Variants in STARD9 observed in about 807,000 individuals in gnomAD.
STARD9 encodes the protein stAR-related lipid transfer protein 9.
STARD9 carries 346 observed loss-of-function variants against 399.8 expected under a neutral mutation model. The observed-to-expected ratio is 0.87, with a 90% CI of 0.79 to 0.95. The LOEUF is 0.95. Among genes scored for constraint, STARD9 ranks in the 40% least tolerant of loss-of-function variants. The pLI is 0.00. For missense variants in STARD9, 5,832 were observed against 5,667.5 expected, an observed-to-expected ratio of 1.03 and a Z score of -0.93; for synonymous variants, 2,203 against 2,143.5, an observed-to-expected ratio of 1.03 and a Z score of -0.77.
At chr15:42,634,148 T>C (rs941199152) in intron 3 of STARD9, among the ~76,000 whole-genome samples, 1 of 152,190 alleles carries the variant, frequency 6.6e-6, no homozygotes, top group African/African-American at 2.4e-5. Context: ...GATGCCCACG[T>C]AGCATTCTGC....
At chr15:42,624,553 CT>C (rs11314415) in intron 3 of STARD9, among the ~76,000 whole-genome samples, 18,130 of 142,190 alleles carry the variant, frequency 0.13, 3,349 homozygotes, top group African/African-American at 0.41. Flanking sequence ...TTTCTGTTGT[CT>C]TTTTTTTTTT....
chr15:42,674,219 C>T lies in STARD9; in HGVS notation c.1498-221C>T, dbSNP rs1182522812. On this transcript the variant is annotated intron_variant, in intron 16 of 32. Coordinates refer to ENST00000290607, the MANE Select transcript of STARD9 (RefSeq NM_020759.3). ...GGCTGCTTTGTGGTATATTTTTTAG[C>T]TCTACCATCTCAGGGGCTTCCTGGG... Among the ~76,000 whole-genome samples, 8 of 152,164 alleles carry T rather than the reference C, an allele frequency of 5.3e-5. No individual in the cohort carries two copies. In the East Asian group the frequency reaches 1.3e-3, roughly 26 times the overall value.
intron 3 of STARD9, among the ~76,000 whole-genome samples, chr15:42,633,159 A>G: frequency 6.6e-6 from 1 of 151,910 alleles, no homozygotes. Context: ...AAAAAAAAAA[A>G]GAACAGGGAG....
chr15:42,716,514 G>A (rs1407126718), intron 26 of STARD9, among the ~76,000 whole-genome samples, 163 bp from the exon 27 acceptor site: 1 of 152,192 alleles, frequency 6.6e-6, no homozygotes, highest in East Asian at 1.9e-4. Context: ...TATTTCTATT[G>A]CTGTGGTCTT....
Position 42,687,420 on chromosome 15 carries a change from A to G in STARD9, c.5842A>G (p.Lys1948Glu). 6.5e-7 allele frequency: 1 copy of G among 1,537,110 alleles called. No individual in the cohort carries two copies. The highest frequency in any genetic ancestry group is 8.7e-7 in the Non-Finnish European group (1 of 1,146,912). ...GCCAGGGGAAAGTGCTGTTTCTTTG[A>G]AATCCAGATCAGTAGATCGTAGAGT... Reference protein sequence around the residue: ...DMPGESAVSLKSRSVDRRVSS... With the variant: ...DMPGESAVSLESRSVDRRVSS... The change falls in exon 23 of 33, where the codon AAA (lysine) becomes GAA (glutamate). Residue 1948 changes from lysine to glutamate, a missense_variant. Coordinates refer to ENST00000290607, the MANE Select transcript of STARD9 (RefSeq NM_020759.3).
intron 3 of STARD9, among the ~76,000 whole-genome samples, chr15:42,588,432 CAG>C (rs2058324050): frequency 6.6e-6 from 1 of 152,120 alleles, no homozygotes; most frequent in Admixed American, 6.5e-5. Context: ...GAAGCCTGTG[CAG>C]AGAGATAAAC....
chr15:42,686,914 C>A lies in STARD9; in HGVS notation c.5336C>A (p.Ala1779Asp). Reference protein sequence around the residue: ...VRVPSPPPREAWGFGHNHQAL... With the variant: ...VRVPSPPPREDWGFGHNHQAL... ...GTACCCTCCCCACCCCCCAGGGAAG[C>A]CTGGGGCTTTGGTCACAACCACCAA... The change falls in exon 23 of 33, where the codon GCC (alanine) becomes GAC (aspartate). Residue 1779 changes from alanine to aspartate, a missense_variant. Ala to Asp is a moderately radical substitution (Grantham distance 126). Coordinates refer to ENST00000290607, the MANE Select transcript of STARD9 (RefSeq NM_020759.3). 2.6e-6 allele frequency: 4 copies of A among 1,536,804 alleles called. No individual in the cohort carries two copies. Among genetic ancestry groups the A allele is most frequent in the Non-Finnish European group, 3.5e-6 (4 of 1,146,878 alleles).
chr15:42,596,620 C>G (rs1448657305), intron 3 of STARD9, among the ~76,000 whole-genome samples: 4 of 152,148 alleles, frequency 2.6e-5, no homozygotes, highest in Non-Finnish European at 5.9e-5. Context: ...ACCCTCTTAA[C>G]CCCATTTCTG....
At position 42,712,086 on chromosome 15, in the gene STARD9, T is replaced by TA. The variant is rs375563568; in HGVS notation, c.13285-4590dup. 1.3e-4 allele frequency among the ~76,000 whole-genome samples: 4 copies of TA among 31,284 alleles called. No homozygotes were observed. The African/African-American group carries it at 1.4e-3, about 11-fold the overall frequency. 20.5% of individuals were successfully genotyped at this position (31,284 alleles called of 152,430 possible). A position where few individuals can be genotyped will look rare whatever the true frequency, so the allele number is the denominator to read the frequency against. On this transcript the variant is annotated intron_variant, in intron 26 of 32. Transcript: ENST00000290607. Reference sequence around the variant, plus strand: ...TTTTTATATATATATATATATTATATATATATATATAATATATAATATATA... The same window carrying TA: ...TTTTTATATATATATATATATTATATAATATATATATAATATATAATATATA...
chr15:42,629,562 CAG>C (rs2059288889), intron 3 of STARD9, among the ~76,000 whole-genome samples: 1 of 152,212 alleles, frequency 6.6e-6, no homozygotes. Context: ...CATCTGCAAA[CAG>C]GGATAATTTG....
At position 42,685,966 on chromosome 15, in the gene STARD9, C is replaced by G. The variant is rs1231304272; in HGVS notation, c.4388C>G (p.Ser1463Ter). 4 of 1,537,116 alleles carry G rather than the reference C, an allele frequency of 2.6e-6. No homozygotes were observed. The African/African-American group carries it at 4.1e-5, about 16-fold the overall frequency. Residue 1463 changes from serine (S) to a stop codon, truncating the protein, a stop_gained, in exon 23 of 33, where the codon TCA becomes TGA. Coordinates refer to ENST00000290607, the MANE Select transcript of STARD9 (RefSeq NM_020759.3). LOFTEE classifies it high-confidence loss of function. ...GAAGCATCCCACAATTCTAGCGTATCAAACGTGCTGGCTGCCTCTGCCACC... is the reference window on the plus strand; with the variant it reads ...GAAGCATCCCACAATTCTAGCGTATGAAACGTGCTGGCTGCCTCTGCCACC... ...SSEASHNSSVSNVLAASATTL... is the reference protein window; with the variant it reads ...SSEASHNSSV
chr15:42,696,113 A>G (rs1177557317), intron 26 of STARD9, among the ~76,000 whole-genome samples: 1 of 152,260 alleles, frequency 6.6e-6, no homozygotes, highest in Non-Finnish European at 1.5e-5. Flanking sequence ...TTTAGGATAC[A>G]GCGGTGAGCA....
rs1161704452 is a variant in STARD9, at chr15:42,687,687, CAG to C, written c.6111_6112del (p.Asn2038Ter). On this transcript the variant is annotated frameshift_variant, in exon 23 of 33. Coordinates refer to ENST00000290607, the MANE Select transcript of STARD9 (RefSeq NM_020759.3). LOFTEE classifies it high-confidence loss of function. ...NPNREPSGKKQNKRVNNTDEM... is the reference protein window; with the variant it reads ...NPNREPSGKKXNKRVNNTDEM... ...CAACAGAGAACCTTCTGGAAAGAAA[CAG>C]AATAAAAGAGTTAATAATACTGATG... The C allele has an allele frequency of 3.9e-6, 6 of 1,536,648 alleles. No homozygotes were observed. In the South Asian group the frequency reaches 4.8e-5, roughly 12 times the overall value.
chr15:42,653,023 G>C (rs1286468429), intron 9 of STARD9, among the ~76,000 whole-genome samples: 1 of 152,010 alleles, frequency 6.6e-6, no homozygotes, highest in African/African-American at 2.4e-5. Flanking sequence ...TAGGTCCTCT[G>C]ATAGAACCTA....
chr15:42,685,179 A>G lies in STARD9; in HGVS notation c.3601A>G (p.Ser1201Gly). The G allele has an allele frequency of 7.2e-6, 11 of 1,537,160 alleles. No homozygotes were observed. Among genetic ancestry groups the G allele is most frequent in the African/African-American group, 1.4e-5 (1 of 73,154 alleles). ...TGACCTACTTGCTCAAACTCATAGG[A>G]GCTTCTCCTTGGATAGCCTGATTGA... Reference protein sequence around the residue: ...DSDLLAQTHRSFSLDSLIDAE... With the variant: ...DSDLLAQTHRGFSLDSLIDAE... Residue 1201 changes from serine (S) to glycine (G), a missense_variant, in exon 23 of 33, where the codon AGC (serine) becomes GGC (glycine). Physicochemically the swap from Ser to Gly is moderately conservative, Grantham distance 56. Coordinates refer to ENST00000290607, the MANE Select transcript of STARD9 (RefSeq NM_020759.3).
intron 26 of STARD9, among the ~76,000 whole-genome samples, chr15:42,710,947 C>T (rs919980386): frequency 7.9e-5 from 12 of 151,656 alleles, no homozygotes; most frequent in African/African-American, 2.4e-4. Context: ...GTCTGTTTGT[C>T]CCCGTGTTTT....
intron 26 of STARD9, among the ~76,000 whole-genome samples, chr15:42,698,724 G>A (rs1200789277): frequency 1.3e-5 from 2 of 152,086 alleles, no homozygotes; most frequent in African/African-American, 4.8e-5. Context: ...CAATTATAAA[G>A]AATTTCTTCC....
chr15:42,590,466 T>G (rs1399873802), intron 3 of STARD9, among the ~76,000 whole-genome samples: 3 of 152,152 alleles, frequency 2.0e-5, no homozygotes, highest in Admixed American at 2.0e-4. Flanking sequence ...TTAGTGGATA[T>G]GGAGGGAGTA....
intron 3 of STARD9, among the ~76,000 whole-genome samples, chr15:42,625,556 C>T (rs902928668): frequency 2.6e-5 from 4 of 151,562 alleles, no homozygotes; most frequent in Admixed American, 1.3e-4. Context: ...TCTCGAACTC[C>T]TGACCTCAGG....
Sources: gnomAD v4.1 joint callset for allele counts (sites outside exome capture counted in the v4.1 genomes callset) on GRCh38, gnomAD v4.1.1 for gene constraint, MANE v1.5 for transcripts, NCBI Gene and HGNC (gene_info 2026-07-23, HGNC 2026-07-21) for gene names.